The following CSMD1 variants were observed in gnomAD, a reference collection of about 807,000 sequenced individuals.
CSMD1 encodes CUB and Sushi multiple domains 1, also known as CUB and sushi domain-containing protein 1.
CSMD1 carries 213 observed loss-of-function variants against 417.5 expected under a neutral mutation model. The ratio of observed to expected loss-of-function variants is 0.51; its 90% CI spans 0.46 to 0.57. CSMD1 has a LOEUF of 0.57. CSMD1 is among the 20% of genes least tolerant of loss of function. The pLI, the probability that CSMD1 is intolerant of heterozygous loss-of-function variation, is 0.00. For missense variants in CSMD1, 6,923 were observed against 4,529.7 expected, an observed-to-expected ratio of 1.53 and a Z score of -15.17; for synonymous variants, 2,862 against 1,736.8, an observed-to-expected ratio of 1.65 and a Z score of -16.11.
At chr8:3,845,091 A>C (rs756013752) in intron 5 of CSMD1, among the ~76,000 whole-genome samples, 7 of 152,256 alleles carry the variant, frequency 4.6e-5, no homozygotes, top group Non-Finnish European at 7.3e-5. Context: ...ATGCATACAT[A>C]TATTTAGAAG....
rs183497805 is a variant in CSMD1 at position 4,412,726 on chromosome 8, T to C, written c.415+7227A>G. ...CAACATATAAAGACATAGTGAAAAG[T>C]TAATAAATTACAGCTTATAGGAATT... On this transcript the variant is annotated intron_variant, in intron 3 of 69. Coordinates refer to ENST00000635120, the MANE Select transcript of CSMD1 (RefSeq NM_033225.6). 3.8e-3 allele frequency among the ~76,000 whole-genome samples: 577 copies of C among 152,314 alleles called. 2 individuals are homozygous for C. Among genetic ancestry groups the C allele is most frequent in the Non-Finnish European group, 6.1e-3 (417 of 68,032 alleles).
intron 1 of CSMD1, among the ~76,000 whole-genome samples, chr8:4,886,441 A>T (rs542622791): frequency 9.9e-4 from 151 of 152,180 alleles, no homozygotes; most frequent in Non-Finnish European, 1.9e-3. Context: ...TATATTCATA[A>T]AAGATATTGG....
chr8:4,122,126 T>C (rs1802519637), intron 3 of CSMD1, among the ~76,000 whole-genome samples: 1 of 152,180 alleles, frequency 6.6e-6, no homozygotes, highest in Non-Finnish European at 1.5e-5. Context: ...ATATCAGAGA[T>C]ACTTACTACA....
intron 26 of CSMD1, among the ~76,000 whole-genome samples, chr8:3,241,194 G>C (rs373181223): frequency 6.6e-6 from 1 of 151,584 alleles, no homozygotes; most frequent in Non-Finnish European, 1.5e-5. Flanking sequence ...GGCCTAATAA[G>C]GGAACTGGGC....
At chr8:3,002,960 G>A (rs941003317) in intron 52 of CSMD1, among the ~76,000 whole-genome samples, 1 of 152,188 alleles carries the variant, frequency 6.6e-6, no homozygotes, top group Non-Finnish European at 1.5e-5. Flanking sequence ...TTATGTATCA[G>A]CAGGATTGCC....
chr8:3,512,994 C>G (rs942773942), intron 10 of CSMD1, among the ~76,000 whole-genome samples: 1 of 152,136 alleles, frequency 6.6e-6, no homozygotes, highest in Non-Finnish European at 1.5e-5. Flanking sequence ...CTATGAAAGG[C>G]ATTAGCATGC....
chr8:4,762,048 A>T (rs1400317138), intron 1 of CSMD1, among the ~76,000 whole-genome samples: 1 of 152,094 alleles, frequency 6.6e-6, no homozygotes, highest in Non-Finnish European at 1.5e-5. Context: ...GATACTGATT[A>T]AGACCAAATA....
chr8:4,066,791 G>C (rs577402027), intron 3 of CSMD1, among the ~76,000 whole-genome samples: 3 of 152,284 alleles, frequency 2.0e-5, no homozygotes, highest in Non-Finnish European at 2.9e-5. Flanking sequence ...ACGAATGCAA[G>C]CTCTGCCTGT....
rs113045067 is a variant in CSMD1 at position 4,439,664 on chromosome 8, G to A, written c.303-19599C>T. ...GCAAAATGGAAGTTGGTAGGAGTGC[G>A]TACTATGAAAATGTGTGCTTATTAA... is the stretch of plus-strand genomic sequence containing the variant. On this transcript the variant is annotated intron_variant, in intron 2 of 69. Transcript: ENST00000635120. Among the ~76,000 whole-genome samples the A allele has an allele frequency of 1.7e-3, 260 of 152,196 alleles. 2 individuals are homozygous for A. The highest frequency in any genetic ancestry group is 5.7e-3 in the African/African-American group (238 of 41,528).
intron 11 of CSMD1, among the ~76,000 whole-genome samples, chr8:3,473,678 C>T (rs1291482703): frequency 6.6e-6 from 1 of 152,082 alleles, no homozygotes; most frequent in Non-Finnish European, 1.5e-5. Flanking sequence ...CAAATGAAGT[C>T]ATTTTGTTGA....
chr8:4,210,729 C>A (rs935314326), intron 3 of CSMD1, among the ~76,000 whole-genome samples: 3 of 152,086 alleles, frequency 2.0e-5, no homozygotes, highest in African/African-American at 7.2e-5. Context: ...CACTAAAAAT[C>A]ACAAAATCTT....
intron 3 of CSMD1, among the ~76,000 whole-genome samples, chr8:4,147,268 T>G (rs1804195499): frequency 6.6e-6 from 1 of 152,104 alleles, no homozygotes; most frequent in African/African-American, 2.4e-5. Context: ...CGGCTCCTCC[T>G]CACCTGCGTA....
At chr8:3,982,884 T>C (rs1382586201) in intron 5 of CSMD1, among the ~76,000 whole-genome samples, 1 of 152,218 alleles carries the variant, frequency 6.6e-6, no homozygotes, top group African/African-American at 2.4e-5. Flanking sequence ...CATTAGCGTT[T>C]CCTACCCTTG....
chr8:4,634,052 A>AT (rs1304024881), intron 2 of CSMD1, among the ~76,000 whole-genome samples: 2 of 151,768 alleles, frequency 1.3e-5, no homozygotes, highest in East Asian at 3.9e-4. Flanking sequence ...CAAAGATCAG[A>AT]TTTTTCATTT....
At chr8:4,530,040 G>C (rs1008979902) in intron 2 of CSMD1, among the ~76,000 whole-genome samples, 6 of 151,890 alleles carry the variant, frequency 4.0e-5, no homozygotes, top group Non-Finnish European at 8.8e-5. Flanking sequence ...TCAGCCTCCA[G>C]AGTAGCTGGG....
At chr8:3,389,577 C>T (rs188776073) in intron 17 of CSMD1, among the ~76,000 whole-genome samples, 1 of 152,140 alleles carries the variant, frequency 6.6e-6, no homozygotes, top group East Asian at 1.9e-4. Flanking sequence ...ACAGTGTATG[C>T]ACTACGGCAA....
intron 3 of CSMD1, among the ~76,000 whole-genome samples, chr8:4,070,279 G>C (rs894643327): frequency 6.6e-6 from 1 of 151,964 alleles, no homozygotes; most frequent in African/African-American, 2.4e-5. Context: ...AAAACATAAT[G>C]TTGTTATTTT....
At chr8:4,157,182 A>T (rs1796881309) in intron 3 of CSMD1, among the ~76,000 whole-genome samples, 1 of 152,130 alleles carries the variant, frequency 6.6e-6, no homozygotes, top group African/African-American at 2.4e-5. Flanking sequence ...TTTTGGGACA[A>T]GTGACGATGT....
intron 26 of CSMD1, among the ~76,000 whole-genome samples, chr8:3,250,915 T>C (rs1800208324): frequency 6.6e-6 from 1 of 152,196 alleles, no homozygotes. Flanking sequence ...GGGTTATTTG[T>C]TTTTTTCTTG....
Sources: allele counts gnomAD v4.1 joint callset (sites outside exome capture counted in the v4.1 genomes callset), GRCh38; gene constraint gnomAD v4.1.1; transcripts MANE v1.5; gene names NCBI Gene and HGNC (gene_info 2026-07-23, HGNC 2026-07-21).